The following TNR variants were observed in gnomAD, a reference collection of about 807,000 sequenced individuals.
TNR encodes tenascin R.
TNR carries 45 observed loss-of-function variants against 150.4 expected under a neutral mutation model. The observed-to-expected ratio is 0.30, with a 90% CI of 0.24 to 0.38. TNR has a LOEUF of 0.38. Ranked by LOEUF, TNR falls within the 10% of genes least tolerant of loss-of-function variation. TNR has a pLI of 1.00. For missense variants in TNR, 1,544 were observed against 1,759.1 expected, an observed-to-expected ratio of 0.88 and a Z score of 2.19; for synonymous variants, 687 against 678.4, an observed-to-expected ratio of 1.01 and a Z score of -0.20.
intron 1 of TNR, among the ~76,000 whole-genome samples, chr1:175,667,900 G>T (rs1446915515): frequency 6.6e-6 from 1 of 152,186 alleles, no homozygotes; most frequent in Non-Finnish European, 1.5e-5. Context: ...CTAGTCAGCA[G>T]GTCAGCCAAA....
chr1:175,600,343 T>C (rs1351051890), intron 1 of TNR, among the ~76,000 whole-genome samples: 1 of 152,238 alleles, frequency 6.6e-6, no homozygotes, highest in Non-Finnish European at 1.5e-5. Flanking sequence ...AGATATCCTA[T>C]AAAATAAGAG....
intron 1 of TNR, among the ~76,000 whole-genome samples, chr1:175,596,346 C>T (rs1022867499): frequency 1.3e-5 from 2 of 151,962 alleles, no homozygotes; most frequent in African/African-American, 4.9e-5. Context: ...TCACCACTTT[C>T]TACCAGTTCG....
At chr1:175,562,862 C>A (rs1487955835) in intron 1 of TNR, among the ~76,000 whole-genome samples, 1 of 152,200 alleles carries the variant, frequency 6.6e-6, no homozygotes, top group Non-Finnish European at 1.5e-5. Context: ...CTAATGATAA[C>A]CTGAGGTATT....
chr1:175,591,266 G>A (rs904784162), intron 1 of TNR, among the ~76,000 whole-genome samples: 2 of 152,176 alleles, frequency 1.3e-5, no homozygotes, highest in African/African-American at 4.8e-5. Context: ...CCAGGGCTCT[G>A]TGTCCCTGGG....
At chr1:175,405,212 C>T (rs1282598056) in intron 3 of TNR, among the ~76,000 whole-genome samples, 1 of 152,230 alleles carries the variant, frequency 6.6e-6, no homozygotes, top group Admixed American at 6.5e-5. Context: ...AGATACAGTT[C>T]CCACTCATTG....
intron 1 of TNR, among the ~76,000 whole-genome samples, chr1:175,530,504 C>T (rs1490507635): frequency 6.6e-6 from 1 of 152,166 alleles, no homozygotes. Flanking sequence ...TGTCTCAAAG[C>T]ACCCAAATAT....
At chr1:175,674,569 G>C (rs1665805183) in intron 1 of TNR, among the ~76,000 whole-genome samples, 1 of 152,190 alleles carries the variant, frequency 6.6e-6, no homozygotes, top group Admixed American at 6.5e-5. Context: ...TCACTCTGTG[G>C]GGTTAGGGGG....
chr1:175,527,104 G>A (rs140954920), intron 2 of TNR, among the ~76,000 whole-genome samples: 18 of 152,270 alleles, frequency 1.2e-4, no homozygotes, highest in African/African-American at 4.3e-4. Flanking sequence ...TGTTGCTTTC[G>A]CGACAGGCAA....
At chr1:175,705,352 TA>T (rs1666817030) in intron 1 of TNR, among the ~76,000 whole-genome samples, 1 of 152,124 alleles carries the variant, frequency 6.6e-6, no homozygotes, top group African/African-American at 2.4e-5. Flanking sequence ...TGTCAAAAAT[TA>T]AAAAGGAAGA....
At chr1:175,609,058 A>G (rs1663510693) in intron 1 of TNR, among the ~76,000 whole-genome samples, 1 of 152,222 alleles carries the variant, frequency 6.6e-6, no homozygotes, top group East Asian at 1.9e-4. Context: ...GAAGTGTGGT[A>G]GTGGTTCTCT....
chr1:175,440,803 T>A (rs1655750245), intron 2 of TNR, among the ~76,000 whole-genome samples: 1 of 152,096 alleles, frequency 6.6e-6, no homozygotes, highest in Non-Finnish European at 1.5e-5. Context: ...GATTTGAAAA[T>A]GTGGAAGTCA....
At chr1:175,361,850 G>A (rs1453908713) in intron 14 of TNR, among the ~76,000 whole-genome samples, 1 of 152,154 alleles carries the variant, frequency 6.6e-6, no homozygotes, top group African/African-American at 2.4e-5. Flanking sequence ...TGTTCTGCCT[G>A]GTGTACTTGC....
chr1:175,354,593 G>A (rs1425909693), intron 17 of TNR, 70 bp from the exon 18 acceptor site: 17 of 1,604,014 alleles, frequency 1.1e-5, no homozygotes, highest in Non-Finnish European at 1.4e-5. Flanking sequence ...AGTAGGGAAG[G>A]GAAGTCCAAA....
intron 1 of TNR, among the ~76,000 whole-genome samples, chr1:175,646,348 G>A (rs1279784823): frequency 1.3e-5 from 2 of 152,188 alleles, no homozygotes; most frequent in Non-Finnish European, 2.9e-5. Context: ...CATTATGTGT[G>A]GGCAGAGCAC....
chr1:175,591,898 TC>T (rs1265094250), intron 1 of TNR, among the ~76,000 whole-genome samples: 3 of 152,196 alleles, frequency 2.0e-5, no homozygotes, highest in African/African-American at 4.8e-5. Context: ...CACATTCCTT[TC>T]CCCCTCCTGT....
chr1:175,423,680 C>T (rs1168971821), intron 2 of TNR, among the ~76,000 whole-genome samples: 1 of 152,236 alleles, frequency 6.6e-6, no homozygotes, highest in East Asian at 1.9e-4. Context: ...GATACAGCAG[C>T]TGGACCTGAA....
chr1:175,414,850 C>T (rs1654365426), intron 2 of TNR, among the ~76,000 whole-genome samples: 1 of 152,144 alleles, frequency 6.6e-6, no homozygotes. Flanking sequence ...AAGGTATCCA[C>T]ATGCCTTTGA....
At chr1:175,567,988 G>T (rs1005636310) in intron 1 of TNR, among the ~76,000 whole-genome samples, 6 of 152,092 alleles carry the variant, frequency 3.9e-5, no homozygotes, top group African/African-American at 1.4e-4. Flanking sequence ...CCTAAACCAG[G>T]GATAATAACA....
chr1:175,686,423 A>C (rs1393021484), intron 1 of TNR, among the ~76,000 whole-genome samples: 1 of 152,250 alleles, frequency 6.6e-6, no homozygotes, highest in Non-Finnish European at 1.5e-5. Context: ...GTATAGATGA[A>C]GAGAGTTCCT....
Sources: allele counts gnomAD v4.1 joint callset (sites outside exome capture counted in the v4.1 genomes callset), GRCh38; gene constraint gnomAD v4.1.1; transcripts MANE v1.5; gene names NCBI Gene and HGNC (gene_info 2026-07-23, HGNC 2026-07-21).